Variants in SPATA6 observed in about 807,000 individuals in gnomAD.
The protein encoded by SPATA6 is spermatogenesis-associated protein 6.
Under a neutral mutation model 65.3 loss-of-function variants are expected in SPATA6, and 56 were observed. The ratio of observed to expected loss-of-function variants is 0.86; its 90% CI spans 0.69 to 1.07. The LOEUF (loss-of-function observed/expected upper bound fraction) is 1.07, where lower values mean the gene tolerates loss of function less well. Among genes scored for constraint, SPATA6 ranks in the 50% least tolerant of loss-of-function variants. The pLI is 0.00. For synonymous variants in SPATA6, 199 were observed against 213.2 expected, an observed-to-expected ratio of 0.93 and a Z score of 0.58; for missense variants, 590 against 594.8, an observed-to-expected ratio of 0.99 and a Z score of 0.08.
the SPATA6 span, among the ~76,000 whole-genome samples, chr1:48,274,950 A>G: frequency 6.6e-6 from 1 of 152,156 alleles, no homozygotes; most frequent in Non-Finnish European, 1.5e-5. Flanking sequence ...TTTTTACTAT[A>G]TTGATTCTTC....
Position 48,305,692 on chromosome 1 carries a change from C to G in SPATA6, c.1286+95G>C, listed in dbSNP as rs2148653708. ...ACAGTTAGAAATAAATACTAATTAT[C>G]CTTTTGAGTCTAAATTTCCCATAAA... On this transcript the variant is annotated intron_variant, in intron 12 of 12. Coordinates refer to ENST00000371847, the MANE Select transcript of SPATA6 (RefSeq NM_019073.4). The G allele has an allele frequency of 5.8e-6, 5 of 868,866 alleles. No individual in the cohort carries two copies. In the South Asian group the frequency reaches 1.1e-4, roughly 19 times the overall value. 53.8% of individuals were successfully genotyped at this position (868,866 alleles called of 1,614,324 possible). A position where few individuals can be genotyped will look rare whatever the true frequency, so the allele number is the denominator to read the frequency against.
chr1:48,458,420 A>T (rs1657167524), intron 1 of SPATA6, among the ~76,000 whole-genome samples: 1 of 152,180 alleles, frequency 6.6e-6, no homozygotes, highest in South Asian at 2.1e-4. Context: ...AAAAAGTTTT[A>T]AAAGCACAAG....
chr1:48,466,186 T>C (rs1177117302), intron 1 of SPATA6, among the ~76,000 whole-genome samples: 2 of 152,072 alleles, frequency 1.3e-5, no homozygotes, highest in African/African-American at 2.4e-5. Flanking sequence ...ATAAAAAGCA[T>C]TAACTACTAG....
At chr1:48,344,153 T>C (rs2148772461) in intron 11 of SPATA6, 1 of 152,260 alleles carries the variant, frequency 6.6e-6, no homozygotes, top group South Asian at 2.1e-4. Context: ...ATGTTAAAAG[T>C]GTAAGTATGA....
At chr1:48,273,990 C>T in the SPATA6 span, among the ~76,000 whole-genome samples, 1 of 152,184 alleles carries the variant, frequency 6.6e-6, no homozygotes, top group Non-Finnish European at 1.5e-5. Flanking sequence ...TTCTCTACAT[C>T]CTCTCCAGCA....
At chr1:48,364,976 T>A (rs1265374129) in intron 9 of SPATA6, among the ~76,000 whole-genome samples, 3 of 152,230 alleles carry the variant, frequency 2.0e-5, no homozygotes, top group Non-Finnish European at 4.4e-5. Context: ...AGTTTTTGTA[T>A]AAGGTGTAAG....
intron 11 of SPATA6, among the ~76,000 whole-genome samples, chr1:48,316,873 T>G (rs1228118319): frequency 6.6e-6 from 1 of 152,144 alleles, no homozygotes; most frequent in African/African-American, 2.4e-5. Context: ...GCAAAGGATA[T>G]GAACAGACAC....
At chr1:48,323,012 C>G (rs1198189241) in intron 11 of SPATA6, among the ~76,000 whole-genome samples, 1 of 152,122 alleles carries the variant, frequency 6.6e-6, no homozygotes, top group East Asian at 1.9e-4. Context: ...AGACAGTGTG[C>G]CAATTCCTCA....
intron 9 of SPATA6, 137 bp from the exon 10 acceptor site, chr1:48,359,907 T>C (rs929830404): frequency 1.6e-6 from 1 of 615,580 alleles, no homozygotes; most frequent in Non-Finnish European, 2.5e-6. Context: ...TAATAAAACA[T>C]ATGCCACAGC....
chr1:48,455,875 A>G (rs916583036), intron 1 of SPATA6, among the ~76,000 whole-genome samples: 3 of 152,154 alleles, frequency 2.0e-5, no homozygotes, highest in African/African-American at 7.2e-5. Flanking sequence ...AAATTCTGCT[A>G]TCTCTTAAAA....
At chr1:48,395,816 C>T (rs1419258332) in intron 7 of SPATA6, among the ~76,000 whole-genome samples, 1 of 151,702 alleles carries the variant, frequency 6.6e-6, no homozygotes, top group African/African-American at 2.4e-5. Context: ...TAATAGTTAA[C>T]CACATTTCCT....
In SPATA6 at chr1:48,361,306, GA is replaced by G. The variant is rs1431280022; in HGVS notation, c.910-1537del. ...AGAAACACGAGAATGTGTTGTTTTG[GA>G]AGTGAATAAACAATGTATTTTAAGG... On this transcript the variant is annotated intron_variant, in intron 9 of 12. Coordinates refer to ENST00000371847, the MANE Select transcript of SPATA6 (RefSeq NM_019073.4). Among the ~76,000 whole-genome samples the G allele has an allele frequency of 5.9e-5, 9 of 152,244 alleles. No individual in the cohort carries two copies. The South Asian group carries it at 8.3e-4, about 14-fold the overall frequency.
intron 12 of SPATA6, among the ~76,000 whole-genome samples, chr1:48,302,281 G>A (rs138190238): frequency 2.0e-3 from 305 of 152,210 alleles, no homozygotes; most frequent in African/African-American, 6.9e-3. Flanking sequence ...ACATAATGGC[G>A]AATCTGGGCT....
intron 3 of SPATA6, among the ~76,000 whole-genome samples, chr1:48,447,043 G>T (rs1300507298): frequency 1.3e-5 from 2 of 152,064 alleles, no homozygotes; most frequent in African/African-American, 2.4e-5. Flanking sequence ...TCTACTTAAT[G>T]AAGAGTAAAT....
intron 9 of SPATA6, among the ~76,000 whole-genome samples, chr1:48,373,382 T>C (rs1028135108): frequency 2.6e-5 from 4 of 152,226 alleles, no homozygotes; most frequent in Non-Finnish European, 5.9e-5. Context: ...CATCTCCATC[T>C]GAGACCACCT....
chr1:48,466,555 C>T (rs1043924455), intron 1 of SPATA6, among the ~76,000 whole-genome samples: 1 of 151,792 alleles, frequency 6.6e-6, no homozygotes, highest in African/African-American at 2.4e-5. Context: ...CAGAGGAGGC[C>T]TCACCTACAT....
intron 11 of SPATA6, among the ~76,000 whole-genome samples, chr1:48,322,170 A>G (rs1645617564): frequency 6.6e-6 from 1 of 152,150 alleles, no homozygotes; most frequent in African/African-American, 2.4e-5. Flanking sequence ...AGTAGAAGTA[A>G]AGAAATACCA....
At chr1:48,407,709 AATTC>A (rs1183101111) in intron 5 of SPATA6, among the ~76,000 whole-genome samples, 12 of 152,200 alleles carry the variant, frequency 7.9e-5, no homozygotes, top group African/African-American at 2.9e-4. Flanking sequence ...CAGTATCCTG[AATTC>A]ATTGTTTGTG....
rs1046099245 is a variant in SPATA6, at chr1:48,337,489, T to C, written c.1194+18181A>G. 2.0e-5 allele frequency among the ~76,000 whole-genome samples: 3 copies of C among 151,852 alleles called. No homozygotes were observed. The East Asian group carries it at 5.8e-4, about 29-fold the overall frequency. On this transcript the variant is annotated intron_variant, in intron 11 of 12. Coordinates refer to ENST00000371847, the MANE Select transcript of SPATA6 (RefSeq NM_019073.4). ...ACAAGAAACTGTCTATCACCACTTC[T>C]ATTTGATACTATTTTAGAAACCCTA...
Sources: gnomAD v4.1 joint callset for allele counts (sites outside exome capture counted in the v4.1 genomes callset) on GRCh38, gnomAD v4.1.1 for gene constraint, MANE v1.5 for transcripts, NCBI Gene and HGNC (gene_info 2026-07-23, HGNC 2026-07-21) for gene names.